ARID1A: variants seen among roughly 807,000 people sequenced by gnomAD.
ARID1A encodes the protein AT-rich interaction domain 1A.
Under a neutral mutation model 212.6 loss-of-function variants are expected in ARID1A, and 20 were observed. The observed-to-expected ratio is 0.09, with a 90% CI of 0.07 to 0.14. The LOEUF is 0.14. ARID1A is among the 10% of genes least tolerant of loss of function. The pLI, the probability that ARID1A is intolerant of heterozygous loss-of-function variation, is 1.00. For synonymous variants in ARID1A, 1,376 were observed against 1,222.1 expected (o/e 1.13, Z -2.63); for missense variants, 2,587 against 3,059.0 (o/e 0.85, Z 3.64).
intron 4 of ARID1A, among the ~76,000 whole-genome samples, chr1:26,741,045 A>G (rs2124801974): frequency 6.6e-6 from 1 of 152,370 alleles, no homozygotes; most frequent in African/African-American, 2.4e-5. Context: ...AAACTTGGGT[A>G]AGACCTGAGT....
At chr1:26,708,236 G>A (rs1229830014) in intron 1 of ARID1A, among the ~76,000 whole-genome samples, 1 of 132,882 alleles carries the variant, frequency 7.5e-6, no homozygotes, top group Non-Finnish European at 1.6e-5. Flanking sequence ...GGTTGAGAGT[G>A]AGATTCAGCC....
chr1:26,727,169 A>G (rs2080627121), intron 1 of ARID1A, among the ~76,000 whole-genome samples: 2 of 152,376 alleles, frequency 1.3e-5, no homozygotes, highest in East Asian at 1.9e-4. Context: ...TGTTATGTGC[A>G]TTTAAAGAAC....
Position 26,773,722 on chromosome 1 carries a change from G to A in ARID1A, c.4004+5G>A, listed in dbSNP as rs2081106391. 6.2e-7 allele frequency: 1 copy of A among 1,614,184 alleles called. No homozygotes were observed. The highest frequency in any genetic ancestry group is 8.5e-7 in the Non-Finnish European group (1 of 1,180,038). ...GCAGCAGCAGCAGCAGCAACGGTGA[G>A]TAAAGCCTGGTCTCGGTGCTGCTAT... On this transcript the variant is annotated splice_donor_5th_base_variant and intron_variant, in intron 16 of 19. Coordinates refer to ENST00000324856, the MANE Select transcript of ARID1A (RefSeq NM_006015.6).
At chr1:26,768,045 C>G (rs2081053901) in intron 11 of ARID1A, 46 bp downstream of exon 11, 1 of 1,582,584 alleles carries the variant, frequency 6.3e-7, no homozygotes, top group Non-Finnish European at 8.6e-7. Context: ...TTTCCACAAA[C>G]CCCTTTCTAG....
intron 1 of ARID1A, among the ~76,000 whole-genome samples, chr1:26,708,734 G>A (rs555575026): frequency 1.5e-4 from 22 of 151,676 alleles, no homozygotes; most frequent in South Asian, 8.3e-4. Flanking sequence ...TTGCTCTGTC[G>A]CCCAGGCTGG....
At chr1:26,729,989 T>A in intron 2 of ARID1A, 126 bp downstream of exon 2, 1 of 1,200,678 alleles carries the variant, frequency 8.3e-7, no homozygotes, top group Non-Finnish European at 1.2e-6. Context: ...TTGGCTCAGT[T>A]AATTACAGAG....
chr1:26,759,702 T>C (rs1455008354), intron 4 of ARID1A, among the ~76,000 whole-genome samples: 1 of 152,204 alleles, frequency 6.6e-6, no homozygotes, highest in East Asian at 1.9e-4. Context: ...TACTGGAGTT[T>C]GTTGACCTAG....
At chr1:26,766,135 A>G (rs2081037167) in intron 8 of ARID1A, 86 bp from the exon 9 acceptor site, 1 of 1,454,272 alleles carries the variant, frequency 6.9e-7, no homozygotes, top group East Asian at 2.3e-5. Context: ...TTACTAGATG[A>G]TCACACAGCA....
At chr1:26,765,324 A>T (rs1395625486) in intron 8 of ARID1A, 2 of 151,104 alleles carry the variant, frequency 1.3e-5, no homozygotes, top group East Asian at 3.9e-4. Flanking sequence ...GTCTCTACTA[A>T]TAAAGTACAA....
chr1:26,774,068 T>A lies in ARID1A; in HGVS notation c.4101+170T>A. The A allele has an allele frequency of 9.3e-7, 1 of 1,078,424 alleles. No individual in the cohort carries two copies. Among genetic ancestry groups the A allele is most frequent in the Non-Finnish European group, 1.3e-6 (1 of 760,210 alleles). The allele number at this position is 1,078,424 out of a possible 1,614,324, so 66.8% of individuals were successfully genotyped here. On this transcript the variant is annotated intron_variant, in intron 17 of 19. Coordinates refer to ENST00000324856, the MANE Select transcript of ARID1A (RefSeq NM_006015.6). This position sits in a 1 kb window ranked among gnomAD's most constrained non-coding sequence, Gnocchi z 5.6. ...AGAGCCACGTCCTCAATCTCTTCTCTATTTGGAGTTGGAAGGGGCTAGAAA... is the reference window on the plus strand; with the variant it reads ...AGAGCCACGTCCTCAATCTCTTCTCAATTTGGAGTTGGAAGGGGCTAGAAA...
intron 19 of ARID1A, chr1:26,775,997 A>AT: frequency 2.0e-6 from 1 of 506,316 alleles, no homozygotes; most frequent in South Asian, 1.7e-5. Context: ...GGGACACCAC[A>AT]TTTTCTAGAA....
chr1:26,774,546 C>T lies in ARID1A; in HGVS notation c.4319C>T (p.Thr1440Ile). The T allele has an allele frequency of 6.2e-7, 1 of 1,614,206 alleles. No individual in the cohort carries two copies. The highest frequency in any genetic ancestry group is 8.5e-7 in the Non-Finnish European group (1 of 1,180,030). The stretch of plus-strand genomic sequence containing the variant: ...GGCAATGCCTATCCTGCCACTGCCA[C>T]AGCTGCTACTGAGCGCCGACCAGCA... ...QYGNAYPATA[T>I]AATERRPAGG... is the part of the protein sequence containing the mutation. The change falls in exon 18 of 20, where the codon ACA becomes ATA. Residue 1440 changes from threonine (T) to isoleucine (I), a missense_variant. Thr to Ile is a moderately conservative substitution (Grantham distance 89, BLOSUM62 -1). Coordinates refer to ENST00000324856, the MANE Select transcript of ARID1A (RefSeq NM_006015.6). This position sits in a 1 kb window ranked among gnomAD's most constrained non-coding sequence, Gnocchi z 5.6.
intron 1 of ARID1A, among the ~76,000 whole-genome samples, chr1:26,702,169 T>G (rs1570546259): frequency 6.6e-6 from 1 of 151,952 alleles, no homozygotes; most frequent in Admixed American, 6.5e-5. Flanking sequence ...CTGTAAGTTT[T>G]GCTGAGAGAG....
rs550367169 is a variant in ARID1A, at chr1:26,744,009, A to G, written c.1920+11217A>G. Among the ~76,000 whole-genome samples, 8 of 152,184 alleles carry G rather than the reference A, an allele frequency of 5.3e-5. No homozygotes were observed. The South Asian group carries it at 1.5e-3, about 28-fold the overall frequency. Reference sequence around the variant, plus strand: ...TGACCTGTTTTCTTTATAGCTGACCATGTATCTGTGCCTGCTCCCCTTGAA... The same window carrying G: ...TGACCTGTTTTCTTTATAGCTGACCGTGTATCTGTGCCTGCTCCCCTTGAA... On this transcript the variant is annotated intron_variant, in intron 4 of 19. Coordinates refer to ENST00000324856, the MANE Select transcript of ARID1A (RefSeq NM_006015.6).
At chr1:26,762,863 C>T (rs1035744472) in intron 7 of ARID1A, 110 bp from the exon 8 acceptor site, 6 of 1,128,134 alleles carry the variant, frequency 5.3e-6, no homozygotes, top group Non-Finnish European at 7.4e-6. Flanking sequence ...TGAAGTTGAT[C>T]TCTTTCCTAA....
At chr1:26,712,141 C>T (rs2080460662) in intron 1 of ARID1A, among the ~76,000 whole-genome samples, 1 of 152,050 alleles carries the variant, frequency 6.6e-6, no homozygotes, top group South Asian at 2.1e-4. Flanking sequence ...CAATACAGTA[C>T]ACTTTTCCAA....
At chr1:26,719,036 G>A (rs967501326) in intron 1 of ARID1A, among the ~76,000 whole-genome samples, 1 of 152,116 alleles carries the variant, frequency 6.6e-6, no homozygotes, top group African/African-American at 2.4e-5. Context: ...GGATAATGGG[G>A]GGTACTCCTG....
chr1:26,782,058 C>G lies in ARID1A; in HGVS notation c.*1302C>G, dbSNP rs2081201368. On this transcript the variant is annotated 3_prime_UTR_variant, in exon 20 of 20. Coordinates refer to ENST00000324856, the MANE Select transcript of ARID1A (RefSeq NM_006015.6). Reference sequence around the variant, plus strand: ...ATTTATTCAGTATGAAATCTTTATACTATATGTTCCACGTGTTAAGAATAA... The same window carrying G: ...ATTTATTCAGTATGAAATCTTTATAGTATATGTTCCACGTGTTAAGAATAA... 1 of 229,360 alleles carries G rather than the reference C, an allele frequency of 4.4e-6. No homozygotes were observed. The highest frequency in any genetic ancestry group is 8.6e-6 in the Non-Finnish European group (1 of 115,638). The allele number at this position is 229,360 out of a possible 1,614,324, so 14.2% of individuals were successfully genotyped here.
At position 26,771,506 on chromosome 1, in the gene ARID1A, G is replaced by T; in HGVS notation, c.3406+180G>T. The T allele has an allele frequency of 1.5e-6, 1 of 648,616 alleles. No individual in the cohort carries two copies. The highest frequency in any genetic ancestry group is 2.0e-5 in the South Asian group (1 of 49,762). 40.2% of individuals were successfully genotyped at this position (648,616 alleles called of 1,614,324 possible). A position where few individuals can be genotyped will look rare whatever the true frequency, so the allele number is the denominator to read the frequency against. On this transcript the variant is annotated intron_variant, in intron 12 of 19. Coordinates refer to ENST00000324856, the MANE Select transcript of ARID1A (RefSeq NM_006015.6). The surrounding 1 kb of genome is among the most constrained non-coding windows in gnomAD (Gnocchi z 5.4). ...AGAGTGGGCAGTGGAAACTCCCTTG[G>T]GAGGTACTCTACGGCAGCTCTTAAG...
Sources: allele counts gnomAD v4.1 joint callset (sites outside exome capture counted in the v4.1 genomes callset), GRCh38; gene constraint gnomAD v4.1.1; non-coding constraint Gnocchi (gnomAD v3.1); transcripts MANE v1.5; gene names NCBI Gene and HGNC (gene_info 2026-07-23, HGNC 2026-07-21).